Variants in NRG1 observed in about 807,000 individuals in gnomAD.
NRG1 encodes neuregulin 1.
Under a neutral mutation model 63.8 loss-of-function variants are expected in NRG1, and 18 were observed. The observed-to-expected ratio is 0.28, with a 90% confidence interval of 0.19 to 0.42. NRG1 has a LOEUF of 0.42. Among genes scored for constraint, NRG1 ranks in the 10% least tolerant of loss-of-function variants. NRG1 has a pLI of 1.00. For missense variants in NRG1, 762 were observed against 814.7 expected (o/e 0.94, Z 0.79); for synonymous variants, 302 against 301.3 (o/e 1.00, Z -0.02).
intron 1 of NRG1, among the ~76,000 whole-genome samples, chr8:31,781,545 T>C (rs1278544297): frequency 6.6e-6 from 1 of 152,192 alleles, no homozygotes; most frequent in African/African-American, 2.4e-5. Context: ...ACTGGTCATC[T>C]GGCCTGCTGT....
chr8:32,689,208 G>T (rs1810953641), intron 5 of NRG1, among the ~76,000 whole-genome samples: 1 of 151,926 alleles, frequency 6.6e-6, no homozygotes, highest in Non-Finnish European at 1.5e-5. Context: ...TTGCTTCACA[G>T]ATTCTCGTAA....
intron 1 of NRG1, among the ~76,000 whole-genome samples, chr8:32,163,652 G>A (rs1314231941): frequency 6.6e-6 from 1 of 152,112 alleles, no homozygotes; most frequent in South Asian, 2.1e-4. Context: ...CCTAAGAATG[G>A]GGTCATAGTC....
At chr8:32,371,969 T>G (rs1359093683) in intron 1 of NRG1, among the ~76,000 whole-genome samples, 1 of 149,072 alleles carries the variant, frequency 6.7e-6, no homozygotes, top group Non-Finnish European at 1.5e-5. Flanking sequence ...TTTTCTTTCT[T>G]TCTTTCTTTT....
intron 1 of NRG1, among the ~76,000 whole-genome samples, chr8:31,960,595 C>T (rs1805284290): frequency 6.6e-6 from 1 of 152,168 alleles, no homozygotes; most frequent in Admixed American, 6.5e-5. Flanking sequence ...AATCTTGTAT[C>T]TCTTGGGAAT....
At chr8:31,673,627 G>A (rs372257557) in intron 1 of NRG1, among the ~76,000 whole-genome samples, 29 of 152,276 alleles carry the variant, frequency 1.9e-4, no homozygotes, top group African/African-American at 7.0e-4. Context: ...GCATTTAGCA[G>A]TGATGATTAT....
chr8:31,690,148 G>A (rs897545104), intron 1 of NRG1, among the ~76,000 whole-genome samples: 1 of 152,180 alleles, frequency 6.6e-6, no homozygotes, highest in African/African-American at 2.4e-5. Context: ...CCTTCCTGCT[G>A]CCATGTGAAT....
At chr8:32,591,559 C>T (rs1432180132) in intron 1 of NRG1, among the ~76,000 whole-genome samples, 2 of 151,996 alleles carry the variant, frequency 1.3e-5, no homozygotes, top group Non-Finnish European at 2.9e-5. Context: ...ATCAAAAGAC[C>T]ATAGTGGGGT....
At chr8:32,475,450 A>G (rs1230869379) in intron 1 of NRG1, among the ~76,000 whole-genome samples, 1 of 98,864 alleles carries the variant, frequency 1.0e-5, no homozygotes, top group Non-Finnish European at 2.0e-5. Flanking sequence ...GGTGACAGAG[A>G]GAGACTCTGT....
chr8:32,679,087 T>C (rs377320772), intron 5 of NRG1, among the ~76,000 whole-genome samples: 2 of 151,312 alleles, frequency 1.3e-5, no homozygotes, highest in South Asian at 4.2e-4. Flanking sequence ...AGTCCAGGAG[T>C]TCGAGTCCAG....
Position 32,415,123 on chromosome 8 carries a change from G to T in NRG1, c.38-180705G>T, listed in dbSNP as rs961186976. Among the ~76,000 whole-genome samples the T allele has an allele frequency of 8.6e-5, 13 of 151,970 alleles. 1 individual carries two copies. The highest frequency in any genetic ancestry group is 8.5e-4 in the Admixed American group (13 of 15,254). On this transcript the variant is annotated intron_variant, in intron 1 of 10. Coordinates refer to the NRG1 transcript ENST00000519301. ...GGGGAATGTGTTCTATAGAAGGCAG[G>T]TTTCACTTTTAAAAACAGGGATGTG...
chr8:32,550,843 A>G (rs757649728), intron 1 of NRG1, among the ~76,000 whole-genome samples: 3 of 152,208 alleles, frequency 2.0e-5, no homozygotes, highest in Non-Finnish European at 4.4e-5. Flanking sequence ...TCCCTGAAAA[A>G]TTGGGGTGAA....
At chr8:32,083,124 A>G (rs140489589) in intron 1 of NRG1, among the ~76,000 whole-genome samples, 37 of 152,292 alleles carry the variant, frequency 2.4e-4, no homozygotes, top group Non-Finnish European at 4.9e-4. Context: ...CAACGTACTC[A>G]CAAACAACAG....
intron 1 of NRG1, among the ~76,000 whole-genome samples, chr8:32,148,350 G>T (rs1837132071): frequency 6.6e-6 from 1 of 152,140 alleles, no homozygotes; most frequent in Non-Finnish European, 1.5e-5. Flanking sequence ...GGCAAATGTT[G>T]AACTTAGCTC....
At chr8:32,140,726 G>T (rs1034789318) in intron 1 of NRG1, among the ~76,000 whole-genome samples, 9 of 152,156 alleles carry the variant, frequency 5.9e-5, no homozygotes, top group African/African-American at 2.2e-4. Context: ...GCCTCCAAAA[G>T]TGCAGGGATT....
At chr8:31,667,932 G>A (rs976947690) in intron 1 of NRG1, among the ~76,000 whole-genome samples, 4 of 152,144 alleles carry the variant, frequency 2.6e-5, no homozygotes, top group African/African-American at 9.7e-5. Context: ...GTCCATATCT[G>A]TGTCTATTTC....
At chr8:32,350,560 C>T (rs1477684804) in intron 1 of NRG1, among the ~76,000 whole-genome samples, 8 of 152,116 alleles carry the variant, frequency 5.3e-5, no homozygotes, top group Admixed American at 5.2e-4. Context: ...AGAATAACAT[C>T]TAGCATTAGG....
intron 1 of NRG1, among the ~76,000 whole-genome samples, chr8:31,697,747 T>C (rs1057166345): frequency 1.3e-5 from 2 of 152,308 alleles, no homozygotes; most frequent in East Asian, 1.9e-4. Context: ...AGGTGAGTAT[T>C]CACTAACAGT....
downstream of NRG1, among the ~76,000 whole-genome samples, chr8:32,771,252 A>C (rs1460821495): frequency 6.8e-6 from 1 of 146,624 alleles, no homozygotes; most frequent in Non-Finnish European, 1.5e-5. Flanking sequence ...CTGGGACTAC[A>C]GGTGTGCTCC....
At chr8:31,802,857 A>G (rs1428245839) in intron 1 of NRG1, among the ~76,000 whole-genome samples, 1 of 152,222 alleles carries the variant, frequency 6.6e-6, no homozygotes, top group Non-Finnish European at 1.5e-5. Context: ...ACTTTGTAGA[A>G]TATCAAAGAT....
Sources: gnomAD v4.1 joint callset for allele counts (sites outside exome capture counted in the v4.1 genomes callset) on GRCh38, gnomAD v4.1.1 for gene constraint, MANE v1.5 for transcripts, NCBI Gene and HGNC (gene_info 2026-07-23, HGNC 2026-07-21) for gene names.